The following NLGN1 variants were observed in gnomAD, a reference collection of about 807,000 sequenced individuals.
The protein encoded by NLGN1 is neuroligin-1.
In NLGN1, 12 loss-of-function variants were observed where a neutral mutation model predicts 65.5. That is an observed-to-expected ratio of 0.18 (90% CI 0.12 to 0.30). The LOEUF (loss-of-function observed/expected upper bound fraction) is 0.30, where lower values mean the gene tolerates loss of function less well. NLGN1 is among the 10% of genes least tolerant of loss of function. The pLI is 1.00. For missense variants in NLGN1, 750 were observed against 1,007.1 expected (o/e 0.74, Z 3.46); for synonymous variants, 350 against 359.5 (o/e 0.97, Z 0.30).
chr3:173,635,619 G>A (rs1277128989), intron 3 of NLGN1, among the ~76,000 whole-genome samples: 2 of 151,896 alleles, frequency 1.3e-5, no homozygotes, highest in Non-Finnish European at 2.9e-5. Flanking sequence ...ATGATCACCC[G>A]GCCAGGAACT....
intron 3 of NLGN1, among the ~76,000 whole-genome samples, chr3:173,770,015 G>A (rs777635835): frequency 2.0e-5 from 3 of 152,170 alleles, no homozygotes; most frequent in African/African-American, 7.2e-5. Flanking sequence ...CTAAGCTTCT[G>A]TTATATTCCA....
chr3:173,601,177 T>C (rs896800775), intron 2 of NLGN1, among the ~76,000 whole-genome samples: 2 of 152,020 alleles, frequency 1.3e-5, no homozygotes, highest in African/African-American at 2.4e-5. Flanking sequence ...GGGTAATATC[T>C]GATTTGGTCT....
At chr3:174,057,017 T>C (rs1022913239) in intron 4 of NLGN1, among the ~76,000 whole-genome samples, 3 of 152,062 alleles carry the variant, frequency 2.0e-5, no homozygotes, top group Admixed American at 6.6e-5. Context: ...AGTCATTTTG[T>C]TATCCTTCTG....
chr3:173,701,082 G>A (rs184609676), intron 3 of NLGN1, among the ~76,000 whole-genome samples: 27 of 152,066 alleles, frequency 1.8e-4, no homozygotes, highest in African/African-American at 4.8e-4. Flanking sequence ...CTGAGATCTC[G>A]CCACCCACTG....
intron 4 of NLGN1, among the ~76,000 whole-genome samples, chr3:174,107,296 C>T (rs1714160132): frequency 6.6e-6 from 1 of 152,116 alleles, no homozygotes; most frequent in Non-Finnish European, 1.5e-5. Context: ...CTCTCCTAAA[C>T]GTTACCTATG....
intron 3 of NLGN1, among the ~76,000 whole-genome samples, chr3:173,797,414 A>G (rs560030685): frequency 2.6e-5 from 4 of 152,228 alleles, no homozygotes; most frequent in South Asian, 2.1e-4. Context: ...ATGGGAAAAA[A>G]CTTACTGTCA....
chr3:174,044,781 T>C (rs964341132), intron 4 of NLGN1, among the ~76,000 whole-genome samples: 1 of 152,132 alleles, frequency 6.6e-6, no homozygotes, highest in Non-Finnish European at 1.5e-5. Context: ...CTAAATGTCA[T>C]GGGAGGGACC....
intron 3 of NLGN1, among the ~76,000 whole-genome samples, chr3:173,784,517 C>G (rs931669042): frequency 5.3e-5 from 8 of 151,982 alleles, no homozygotes; most frequent in Non-Finnish European, 8.8e-5. Flanking sequence ...AAGAAAGATG[C>G]ACACACACAG....
At chr3:173,706,708 C>T in intron 3 of NLGN1, among the ~76,000 whole-genome samples, 1 of 152,086 alleles carries the variant, frequency 6.6e-6, no homozygotes, top group East Asian at 1.9e-4. Flanking sequence ...GTACAGATAT[C>T]GATCTACAGA....
At chr3:174,008,593 C>T (rs1724915517) in intron 4 of NLGN1, among the ~76,000 whole-genome samples, 1 of 151,958 alleles carries the variant, frequency 6.6e-6, no homozygotes, top group Admixed American at 6.6e-5. Flanking sequence ...TAGTAAGCCC[C>T]TTACTGAAAG....
intron 3 of NLGN1, among the ~76,000 whole-genome samples, chr3:173,759,271 C>G (rs993632542): frequency 9.9e-5 from 15 of 152,032 alleles, no homozygotes; most frequent in African/African-American, 3.6e-4. Context: ...ATGGAAATCC[C>G]TGCACATCAG....
intron 4 of NLGN1, among the ~76,000 whole-genome samples, chr3:173,871,207 A>C (rs1189796336): frequency 1.3e-5 from 2 of 152,130 alleles, no homozygotes; most frequent in Non-Finnish European, 2.9e-5. Flanking sequence ...CACACCCCTT[A>C]CCACAGATTT....
chr3:173,985,966 T>TA lies in NLGN1; in HGVS notation c.646+178142dup, dbSNP rs1383996366. Among the ~76,000 whole-genome samples the TA allele has an allele frequency of 6.0e-5, 9 of 150,704 alleles. No individual in the cohort carries two copies. The South Asian group carries it at 1.7e-3, about 28-fold the overall frequency. Reference sequence around the variant, plus strand: ...CTCCATCTCAAAAACAAAAACAATTTAAAAAAAAGAAAGAAACTATTAAGA... The same window carrying TA: ...CTCCATCTCAAAAACAAAAACAATTTAAAAAAAAAGAAAGAAACTATTAAGA... On this transcript the variant is annotated intron_variant, in intron 4 of 6. Coordinates refer to ENST00000457714, the Ensembl canonical transcript of NLGN1.
At chr3:173,640,146 G>A (rs753243026) in intron 3 of NLGN1, among the ~76,000 whole-genome samples, 13 of 152,058 alleles carry the variant, frequency 8.5e-5, no homozygotes, top group Non-Finnish European at 1.5e-4. Context: ...ACATATAAAG[G>A]ATAAATTGCA....
intron 4 of NLGN1, among the ~76,000 whole-genome samples, chr3:173,808,264 G>A (rs532044542): frequency 6.6e-6 from 1 of 152,068 alleles, no homozygotes; most frequent in South Asian, 2.1e-4. Context: ...TGTGATGGAG[G>A]TTTCTTTGGT....
chr3:173,396,861 G>A (rs1716707548), upstream of NLGN1, among the ~76,000 whole-genome samples: 1 of 152,130 alleles, frequency 6.6e-6, no homozygotes, highest in Non-Finnish European at 1.5e-5. Flanking sequence ...CCATTGGGGT[G>A]GGGGTGGGGG....
chr3:174,061,903 A>G (rs1737506628), intron 4 of NLGN1, among the ~76,000 whole-genome samples: 2 of 152,100 alleles, frequency 1.3e-5, no homozygotes, highest in Non-Finnish European at 2.9e-5. Flanking sequence ...TTACATATGG[A>G]GTGAGATAAT....
rs562269079 is a variant in NLGN1, at chr3:174,192,763, A to G, written c.647-82552A>G. On this transcript the variant is annotated intron_variant, in intron 4 of 6. Transcript: ENST00000457714. ...AATTAATAAATAGTTTTATTTGCCT[A>G]TGAAAAGCATCTGTTATAACTTACT... Among the ~76,000 whole-genome samples, 15 of 152,258 alleles carry G rather than the reference A, an allele frequency of 9.9e-5. No individual in the cohort carries two copies. The East Asian group carries it at 2.9e-3, about 29-fold the overall frequency.
chr3:174,072,872 A>G (rs113565191), intron 4 of NLGN1, among the ~76,000 whole-genome samples: 106 of 152,270 alleles, frequency 7.0e-4, no homozygotes, highest in African/African-American at 2.5e-3. Context: ...ATATGTCCAT[A>G]CCTATGAAGT....
Sources: gnomAD v4.1 joint callset for allele counts (sites outside exome capture counted in the v4.1 genomes callset) on GRCh38, gnomAD v4.1.1 for gene constraint, MANE v1.5 for transcripts, NCBI Gene and HGNC (gene_info 2026-07-23, HGNC 2026-07-21) for gene names.